The following TBXAS1 variants were observed in gnomAD, a reference collection of about 807,000 sequenced individuals.
TBXAS1 encodes thromboxane A synthase 1, also known as thromboxane-A synthase.
Under a neutral mutation model 60.7 loss-of-function variants are expected in TBXAS1, and 48 were observed. That is an observed-to-expected ratio of 0.79 (90% CI 0.63 to 1.01). TBXAS1 has a LOEUF of 1.01. TBXAS1 is among the 50% of genes least tolerant of loss of function. The pLI is 0.00. For synonymous variants in TBXAS1, 287 were observed against 269.7 expected, an observed-to-expected ratio of 1.06 and a Z score of -0.63; for missense variants, 685 against 686.3, an observed-to-expected ratio of 1.00 and a Z score of 0.02.
chr7:139,987,763 C>G (rs970844172), intron 9 of TBXAS1, among the ~76,000 whole-genome samples: 2 of 152,198 alleles, frequency 1.3e-5, no homozygotes, highest in Admixed American at 1.3e-4. Context: ...TAGTTCCAGA[C>G]GTTTTTTGTC....
intron 4 of TBXAS1, among the ~76,000 whole-genome samples, 163 bp from the exon 5 acceptor site, chr7:139,936,028 C>T (rs904629473): frequency 1.3e-5 from 2 of 152,196 alleles, no homozygotes; most frequent in African/African-American, 4.8e-5. Context: ...TCTATCACTG[C>T]CTGTAAGCCT....
rs1195966824 is a variant in TBXAS1 at position 139,955,483 on chromosome 7, T to G, written c.564T>G (p.Asp188Glu). 6.2e-6 allele frequency: 10 copies of G among 1,614,232 alleles called. No homozygotes were observed. The highest frequency in any genetic ancestry group is 8.5e-6 in the Non-Finnish European group (10 of 1,180,036). ...IQRCYCNYTT[D>E]VVASVAFGTP... ...GGTGCTACTGCAATTACACCACAGATGTGGTTGCCAGCGTCGCCTTTGGCA... is the reference window on the plus strand; with the variant it reads ...GGTGCTACTGCAATTACACCACAGAGGTGGTTGCCAGCGTCGCCTTTGGCA... The change falls in exon 7 of 13, where the codon GAT (aspartate) becomes GAG (glutamate). Residue 188 changes from aspartate to glutamate, a missense_variant. Asp to Glu is a conservative substitution (Grantham distance 45, BLOSUM62 2). Coordinates refer to ENST00000448866, the MANE Select transcript of TBXAS1 (RefSeq NM_001061.7).
In TBXAS1 at chr7:139,968,875, GA is replaced by G. The variant is rs541633145; in HGVS notation, c.1134+6648del. On this transcript the variant is annotated intron_variant, in intron 9 of 12. Transcript: ENST00000448866. ...TACCATTTGTACCACTCGTAAAGCT[GA>G]AAAAACCACACCATCTATTTAATGA... Among the ~76,000 whole-genome samples, 21 of 152,264 alleles carry G rather than the reference GA, an allele frequency of 1.4e-4. No homozygotes were observed. In the East Asian group the frequency reaches 2.7e-3, roughly 20 times the overall value.
chr7:139,968,689 TCTC>T (rs1463143695), intron 9 of TBXAS1, among the ~76,000 whole-genome samples: 2 of 152,220 alleles, frequency 1.3e-5, no homozygotes, highest in African/African-American at 4.8e-5. Context: ...TTATCTGGCC[TCTC>T]CTCCTCTTGT....
intron 9 of TBXAS1, among the ~76,000 whole-genome samples, chr7:139,988,944 G>C (rs1473052084): frequency 1.3e-5 from 2 of 152,208 alleles, no homozygotes; most frequent in Admixed American, 1.3e-4. Context: ...GTGTGTGAGG[G>C]GAGAGGCAGG....
intron 9 of TBXAS1, among the ~76,000 whole-genome samples, chr7:139,974,411 C>G (rs905399323): frequency 3.3e-5 from 5 of 152,178 alleles, no homozygotes; most frequent in Non-Finnish European, 5.9e-5. Flanking sequence ...ACCTGGACTT[C>G]TCTCTGACCA....
At chr7:139,911,779 G>A (rs1424441518) in intron 4 of TBXAS1, among the ~76,000 whole-genome samples, 1 of 152,192 alleles carries the variant, frequency 6.6e-6, no homozygotes, top group Non-Finnish European at 1.5e-5. Context: ...AGAGAAATTT[G>A]TCCCCTAGTA....
In TBXAS1 at chr7:139,861,252, T is replaced by C. The variant is rs76859658; in HGVS notation, c.90-10983T>C. Among the ~76,000 whole-genome samples the C allele has an allele frequency of 7.4e-3, 1,124 of 152,000 alleles. 20 individuals are homozygous for C. Among genetic ancestry groups the C allele is most frequent in the African/African-American group, 0.026 (1,063 of 41,456 alleles). On this transcript the variant is annotated intron_variant, in intron 1 of 12. Coordinates refer to ENST00000448866, the MANE Select transcript of TBXAS1 (RefSeq NM_001061.7). Reference sequence around the variant, plus strand: ...TTATGTAAGACACTTACTATACATATAGACAGGGTCTCGCTCTGTTGCCCA... The same window carrying C: ...TTATGTAAGACACTTACTATACATACAGACAGGGTCTCGCTCTGTTGCCCA...
intron 4 of TBXAS1, among the ~76,000 whole-genome samples, chr7:139,811,432 G>C (rs1349366025): frequency 6.6e-6 from 1 of 152,220 alleles, no homozygotes; most frequent in African/African-American, 2.4e-5. Context: ...AAAATGGCAT[G>C]GGCAAGCTCT....
In TBXAS1 at chr7:139,962,035, C is replaced by T. The variant is rs1485711348; in HGVS notation, c.936C>T (p.Asn312=). Residue 312 remains asparagine, a synonymous_variant, in exon 9 of 13, where the codon AAC becomes AAT. Coordinates refer to ENST00000448866, the MANE Select transcript of TBXAS1 (RefSeq NM_001061.7). The stretch of plus-strand genomic sequence containing the variant: ...TCTCCTCTACTGGGTGCAAGCCGAA[C>T]CCTTCCCGGCAACACCAGCCCAGCC... ...DVFSSTGCKP[N]PSRQHQPSPM... is the part of the protein sequence containing the mutation. 6.2e-7 allele frequency: 1 copy of T among 1,614,244 alleles called. No individual in the cohort carries two copies. The highest frequency in any genetic ancestry group is 1.7e-5 in the Admixed American group (1 of 60,032).
At chr7:139,925,683 G>A (rs1179020794) in intron 4 of TBXAS1, among the ~76,000 whole-genome samples, 1 of 152,140 alleles carries the variant, frequency 6.6e-6, no homozygotes, top group East Asian at 1.9e-4. Flanking sequence ...GTACTATGTT[G>A]AATAACAGTG....
At chr7:139,784,647 G>A (rs1390831462) in intron 3 of TBXAS1, among the ~76,000 whole-genome samples, 2 of 152,212 alleles carry the variant, frequency 1.3e-5, no homozygotes, top group Non-Finnish European at 2.9e-5. Context: ...AAGCAAGGCC[G>A]AGACAGTGGT....
At chr7:139,840,044 T>C (rs1479710309) in intron 1 of TBXAS1, among the ~76,000 whole-genome samples, 2 of 151,638 alleles carry the variant, frequency 1.3e-5, no homozygotes, top group African/African-American at 4.8e-5. Context: ...TGATCAAGTC[T>C]CATTCTAAGA....
At position 139,914,556 on chromosome 7, in the gene TBXAS1, G is replaced by C. The variant is rs569602007; in HGVS notation, c.333+3235G>C. ...TGCATATAACCTCTCCCTCTACACA[G>C]TACTTGGCAGGTGACACATTACTGC... On this transcript the variant is annotated intron_variant, in intron 4 of 12. Coordinates refer to ENST00000448866, the MANE Select transcript of TBXAS1 (RefSeq NM_001061.7). Among the ~76,000 whole-genome samples the C allele has an allele frequency of 3.3e-5, 5 of 152,236 alleles. No individual in the cohort carries two copies. In the East Asian group the frequency reaches 5.8e-4, roughly 18 times the overall value.
chr7:139,823,114 A>G (rs1331171434), intron 4 of TBXAS1, among the ~76,000 whole-genome samples: 1 of 151,448 alleles, frequency 6.6e-6, no homozygotes, highest in Non-Finnish European at 1.5e-5. Context: ...CTGCTTGGTG[A>G]ATTCATCTGC....
chr7:139,806,406 G>A (rs2116379818), intron 4 of TBXAS1, among the ~76,000 whole-genome samples: 1 of 151,718 alleles, frequency 6.6e-6, no homozygotes, highest in East Asian at 1.9e-4. Flanking sequence ...GGGATTACAG[G>A]CGCGCTCTAC....
intron 11 of TBXAS1, 106 bp from the exon 12 acceptor site, chr7:140,017,565 T>G (rs1815176475): frequency 1.4e-6 from 2 of 1,470,474 alleles, no homozygotes; most frequent in East Asian, 4.6e-5. Flanking sequence ...CCCAGAGCCT[T>G]GGAGACATCC....
chr7:139,899,843 C>T (rs1192854089), intron 3 of TBXAS1, among the ~76,000 whole-genome samples: 2 of 152,128 alleles, frequency 1.3e-5, no homozygotes, highest in African/African-American at 2.4e-5. Flanking sequence ...CAAAGACAGG[C>T]CACCCGAGCT....
chr7:139,805,660 CTCTTTCTT>C lies in TBXAS1; in HGVS notation c.-80+18282_-80+18289del, dbSNP rs755258646. On this transcript the variant is annotated intron_variant, in intron 4 of 16. Transcript: ENST00000336425. ...CTCCCTCCCTCCCTCCCTTCTTTTT[CTCTTTCTT>C]TCTTTCTTTCTTTCTTTCTTTCTTT... 9.1e-3 allele frequency among the ~76,000 whole-genome samples: 926 copies of C among 101,416 alleles called. 10 individuals carry two copies. The highest frequency in any genetic ancestry group is 0.028 in the Middle Eastern group (6 of 218). The allele number at this position is 101,416 out of a possible 152,430, so 66.5% of individuals were successfully genotyped here.
Sources: allele counts gnomAD v4.1 joint callset (sites outside exome capture counted in the v4.1 genomes callset), GRCh38; gene constraint gnomAD v4.1.1; transcripts MANE v1.5; gene names NCBI Gene and HGNC (gene_info 2026-07-23, HGNC 2026-07-21).